Variants in CCDC30 observed in about 807,000 individuals in gnomAD.
The protein encoded by CCDC30 is coiled-coil domain containing 30.
Under a neutral mutation model 100.2 loss-of-function variants are expected in CCDC30, and 70 were observed. That is an observed-to-expected ratio of 0.70 (90% CI 0.58 to 0.85). The LOEUF (loss-of-function observed/expected upper bound fraction) is 0.85, where lower values mean the gene tolerates loss of function less well. Ranked by LOEUF, CCDC30 falls within the 40% of genes least tolerant of loss-of-function variation. CCDC30 has a pLI of 0.00. For missense variants in CCDC30, 652 were observed against 771.2 expected, an observed-to-expected ratio of 0.85 and a Z score of 1.83; for synonymous variants, 233 against 269.5, an observed-to-expected ratio of 0.86 and a Z score of 1.33.
In CCDC30 at chr1:42,581,574, A is replaced by G. The variant is rs2148592888; in HGVS notation, c.1001+60A>G. ...TTAGCCATGACTGAGTTAATCAGCA[A>G]TATCAATTTTTTCTAACAGAATATC... On this transcript the variant is annotated intron_variant, in intron 9 of 16. Coordinates refer to ENST00000668663, the Ensembl canonical transcript of CCDC30. The G allele has an allele frequency of 7.4e-6, 11 of 1,487,026 alleles. No homozygotes were observed. In the South Asian group the frequency reaches 1.1e-4, roughly 15 times the overall value. The allele number at this position is 1,487,026 out of a possible 1,614,324, so 92.1% of individuals were successfully genotyped here.
At chr1:42,634,249 C>CAAAAAAAAAAA (rs754829759) in intron 11 of CCDC30, among the ~76,000 whole-genome samples, 4 of 115,316 alleles carry the variant, frequency 3.5e-5, no homozygotes, top group Non-Finnish European at 7.2e-5. Context: ...AAGACTGTCT[C>CAAAAAAAAAAA]AAAAAAAAAA....
At chr1:42,553,405 A>G (rs72659983) in intron 6 of CCDC30, among the ~76,000 whole-genome samples, 20,588 of 117,510 alleles carry the variant, frequency 0.18, 1,531 homozygotes, top group East Asian at 0.24. Context: ...TAATGTTCAG[A>G]GTTTTTAGTT....
rs116574353 is a variant in CCDC30, at chr1:42,653,959, A to C, written c.2064A>C (p.Gly688=). Residue 688 remains glycine (G), a synonymous_variant, in exon 17 of 17, where the codon GGA becomes GGC. Transcript: ENST00000668663. ...TGTGTTCACAGAATTCTGAGGCTGGATACATAAATGTGGCTTCTCTGAAGG... is the reference window on the plus strand; with the variant it reads ...TGTGTTCACAGAATTCTGAGGCTGGCTACATAAATGTGGCTTCTCTGAAGG... The C allele has an allele frequency of 3.1e-3, 5,041 of 1,614,156 alleles. 15 individuals carry two copies. The highest frequency in any genetic ancestry group is 0.012 in the Middle Eastern group (72 of 6,062).
intron 12 of CCDC30, among the ~76,000 whole-genome samples, chr1:42,641,217 G>T (rs937376135): frequency 1.3e-5 from 1 of 76,130 alleles, no homozygotes; most frequent in African/African-American, 6.5e-5. Context: ...CATGGCTTTT[G>T]TGTGTGTGTG....
chr1:42,576,081 T>C (rs529097600), intron 7 of CCDC30, among the ~76,000 whole-genome samples: 2 of 152,192 alleles, frequency 1.3e-5, no homozygotes, highest in African/African-American at 2.4e-5. Flanking sequence ...GGATCTGGAG[T>C]GAGGGACCAC....
chr1:42,477,492 T>A (rs151122138), intron 1 of CCDC30, among the ~76,000 whole-genome samples: 2 of 152,306 alleles, frequency 1.3e-5, no homozygotes, highest in Non-Finnish European at 2.9e-5. Flanking sequence ...CCTCCCAAAG[T>A]GCTGGGATTA....
chr1:42,496,465 A>AATAT (rs148092977), intron 4 of CCDC30, among the ~76,000 whole-genome samples: 20,197 of 151,066 alleles, frequency 0.13, 1,476 homozygotes, highest in East Asian at 0.18. Flanking sequence ...TATTACTATA[A>AATAT]ATATATATAT....
chr1:42,553,500 A>G (rs79682057), intron 6 of CCDC30, among the ~76,000 whole-genome samples: 20,584 of 151,948 alleles, frequency 0.14, 1,518 homozygotes, highest in East Asian at 0.17. Context: ...TAAAAAAAAA[A>G]TATGAAACTA....
At chr1:42,457,463 A>G in the CCDC30 span, 8 of 897,314 alleles carry the variant, frequency 8.9e-6, no homozygotes, top group African/African-American at 1.3e-4. Context: ...CACAGGGGAT[A>G]CAGAGATGAA....
At chr1:42,475,066 G>T (rs1643868000) in intron 1 of CCDC30, among the ~76,000 whole-genome samples, 1 of 152,018 alleles carries the variant, frequency 6.6e-6, no homozygotes, top group Non-Finnish European at 1.5e-5. Flanking sequence ...AGGGAAACTT[G>T]ATTTAAAACC....
At chr1:42,652,987 A>G (rs1381427698) in intron 15 of CCDC30, among the ~76,000 whole-genome samples, 3 of 152,222 alleles carry the variant, frequency 2.0e-5, no homozygotes, top group African/African-American at 4.8e-5. Context: ...TGAGTACATT[A>G]GAAAGCACTG....
chr1:42,509,875 A>T (rs557766303), intron 6 of CCDC30, among the ~76,000 whole-genome samples: 2 of 145,604 alleles, frequency 1.4e-5, no homozygotes, highest in East Asian at 2.0e-4. Context: ...CCCACTGGTT[A>T]AAAAAAAAAC....
chr1:42,608,563 C>G (rs1341763189), intron 10 of CCDC30, among the ~76,000 whole-genome samples: 1 of 151,482 alleles, frequency 6.6e-6, no homozygotes, highest in East Asian at 1.9e-4. Flanking sequence ...ATTAGCCGGA[C>G]GTGGCGGTGG....
intron 6 of CCDC30, among the ~76,000 whole-genome samples, chr1:42,499,859 C>CA (rs1008674804): frequency 2.7e-5 from 4 of 150,592 alleles, no homozygotes; most frequent in African/African-American, 4.9e-5. Context: ...ATCATTTGAA[C>CA]AAAAAAAATG....
intron 6 of CCDC30, among the ~76,000 whole-genome samples, chr1:42,507,086 C>G (rs1041366270): frequency 1.3e-5 from 2 of 152,106 alleles, no homozygotes; most frequent in African/African-American, 4.8e-5. Flanking sequence ...GCCACCACAC[C>G]TGGGTAATTT....
rs12031828 is a variant in CCDC30, at chr1:42,624,338, T to C, written c.1278-12899T>C. Among the ~76,000 whole-genome samples, 21 of 152,378 alleles carry C rather than the reference T, an allele frequency of 1.4e-4. No homozygotes were observed. In the East Asian group the frequency reaches 2.9e-3, roughly 21 times the overall value. ...TGGTTTTTGTCCTGTTGATATGATGTATCACATCATTTGTCATTCTGTTGA... is the reference window on the plus strand; with the variant it reads ...TGGTTTTTGTCCTGTTGATATGATGCATCACATCATTTGTCATTCTGTTGA... On this transcript the variant is annotated intron_variant, in intron 11 of 16. Coordinates refer to ENST00000668663, the Ensembl canonical transcript of CCDC30.
chr1:42,456,453 G>GTT, the CCDC30 span: 2 of 1,136,304 alleles, frequency 1.8e-6, no homozygotes, highest in Non-Finnish European at 2.4e-6. Flanking sequence ...AGTGTCAAAA[G>GTT]AAGGGTAGTG....
intron 6 of CCDC30, among the ~76,000 whole-genome samples, chr1:42,519,886 C>T (rs557542685): frequency 6.6e-5 from 10 of 152,262 alleles, no homozygotes; most frequent in African/African-American, 2.4e-4. Context: ...TCATTTAGGT[C>T]ATCCAGTTTC....
At chr1:42,656,773 T>C (rs1648677961), downstream of CCDC30, among the ~76,000 whole-genome samples, 1 of 152,216 alleles carries the variant, frequency 6.6e-6, no homozygotes, top group African/African-American at 2.4e-5. Flanking sequence ...CTCTATCCCA[T>C]AGGGTTGTGA....
Sources: allele counts gnomAD v4.1 joint callset (sites outside exome capture counted in the v4.1 genomes callset), GRCh38; gene constraint gnomAD v4.1.1; transcripts MANE v1.5; gene names NCBI Gene and HGNC (gene_info 2026-07-23, HGNC 2026-07-21).